The following GMCL1 variants were observed in gnomAD, a reference collection of about 807,000 sequenced individuals.
GMCL1 encodes germ cell-less 1, spermatogenesis associated.
In GMCL1, 54 loss-of-function variants were observed where a neutral mutation model predicts 75.5. That is an observed-to-expected ratio of 0.71 (90% CI 0.57 to 0.90). GMCL1 has a LOEUF of 0.90. GMCL1 is among the 40% of genes least tolerant of loss of function. GMCL1 has a pLI of 0.00. For synonymous variants in GMCL1, 210 were observed against 209.6 expected (o/e 1.00, Z -0.02); for missense variants, 537 against 622.7 (o/e 0.86, Z 1.47).
At chr2:69,835,542 A>G (rs1443401658) in intron 1 of GMCL1, among the ~76,000 whole-genome samples, 1 of 152,110 alleles carries the variant, frequency 6.6e-6, no homozygotes, top group African/African-American at 2.4e-5. Context: ...TTGAGGAAAT[A>G]GATCTATTTC....
intron 1 of GMCL1, among the ~76,000 whole-genome samples, chr2:69,830,675 G>T (rs1674646207): frequency 6.6e-6 from 1 of 151,930 alleles, no homozygotes; most frequent in Non-Finnish European, 1.5e-5. Context: ...ACTAGGAACA[G>T]AGTCTGTGCA....
chr2:69,840,353 T>C (rs996550137), intron 3 of GMCL1, among the ~76,000 whole-genome samples: 8 of 150,716 alleles, frequency 5.3e-5, no homozygotes, highest in Admixed American at 4.0e-4. Context: ...GAGCTTGCAG[T>C]GAGCCGAGAT....
At chr2:69,857,174 A>G (rs41448751) in intron 9 of GMCL1, among the ~76,000 whole-genome samples, 4,392 of 152,234 alleles carry the variant, frequency 0.029, 450 homozygotes, top group Admixed American at 0.2. Flanking sequence ...ATTTTCTGCC[A>G]GTCTTTCAAA....
rs147980504 is a variant in GMCL1 at position 69,879,209 on chromosome 2, C to A, written c.*205C>A. 2.7e-6 allele frequency: 1 copy of A among 373,642 alleles called. No homozygotes were observed. Among genetic ancestry groups the A allele is most frequent in the East Asian group, 4.4e-5 (1 of 22,660 alleles). 23.1% of individuals were successfully genotyped at this position (373,642 alleles called of 1,614,324 possible). A position where few individuals can be genotyped will look rare whatever the true frequency, so the allele number is the denominator to read the frequency against. ...TCCTCATTGCATTTCTATGCATATG[C>A]GTAAGAACATTTTAAAGCCAAGAAA... On this transcript the variant is annotated 3_prime_UTR_variant, in exon 14 of 14. Transcript: ENST00000282570.
At position 69,830,103 on chromosome 2, in the gene GMCL1, G is replaced by T; in HGVS notation, c.211G>T (p.Asp71Tyr). The T allele has an allele frequency of 3.2e-6, 5 of 1,579,136 alleles. No homozygotes were observed. The highest frequency in any genetic ancestry group is 4.3e-6 in the Non-Finnish European group (5 of 1,162,070). The stretch of plus-strand genomic sequence containing the variant: ...TCACCCTGACTCGGAGACGGACGAG[G>T]ATGAGGAGGAGGGGGACGAGCAGCA... Reference protein sequence around the residue: ...YCHPDSETDEDEEEGDEQQRL... With the variant: ...YCHPDSETDEYEEEGDEQQRL... Residue 71 changes from aspartate (D) to tyrosine (Y), a missense_variant, in exon 1 of 14, where the codon GAT becomes TAT. By Grantham distance (160) the Asp-to-Tyr change is radical. Around this residue, in one of 3 missense-constraint regions of GMCL1, gnomAD observed 144 missense variants for 127.2 expected, o/e 1.13. Transcript: ENST00000282570.
chr2:69,843,030 A>T (rs1573347191), intron 4 of GMCL1, 119 bp from the exon 5 acceptor site: 19 of 346,380 alleles, frequency 5.5e-5, no homozygotes, highest in South Asian at 1.3e-4. Flanking sequence ...GCACTTAATG[A>T]GTTTTCTTTC....
intron 9 of GMCL1, among the ~76,000 whole-genome samples, chr2:69,855,497 A>G (rs949558726): frequency 6.6e-6 from 1 of 152,212 alleles, no homozygotes; most frequent in East Asian, 1.9e-4. Flanking sequence ...CAAAATTGAA[A>G]ATAGAATTTC....
chr2:69,838,892 T>G (rs1440930696), intron 2 of GMCL1, among the ~76,000 whole-genome samples: 2 of 152,220 alleles, frequency 1.3e-5, no homozygotes, highest in East Asian at 3.8e-4. Context: ...TTCTACATAC[T>G]AAGTACTCAG....
At chr2:69,860,121 C>T (rs889345727) in intron 9 of GMCL1, among the ~76,000 whole-genome samples, 10 of 152,050 alleles carry the variant, frequency 6.6e-5, no homozygotes, top group Non-Finnish European at 1.3e-4. Flanking sequence ...TCTGCCTCAG[C>T]CTCCTGAGTA....
At chr2:69,842,855 G>C (rs1035491061) in intron 4 of GMCL1, 1 of 180,828 alleles carries the variant, frequency 5.5e-6, no homozygotes, top group Non-Finnish European at 1.1e-5. Context: ...GTCTCAGACA[G>C]GGGAAGAATA....
chr2:69,849,523 C>T, intron 7 of GMCL1, 129 bp from the exon 8 acceptor site: 1 of 569,172 alleles, frequency 1.8e-6, no homozygotes, highest in Non-Finnish European at 3.1e-6. Context: ...TTCTTTCTTG[C>T]AATTGCTGGT....
intron 9 of GMCL1, among the ~76,000 whole-genome samples, chr2:69,859,249 G>A (rs1675568829): frequency 6.6e-6 from 1 of 151,302 alleles, no homozygotes; most frequent in South Asian, 2.1e-4. Flanking sequence ...AATGAGTCAT[G>A]AAATGCCATA....
chr2:69,834,291 A>G (rs1674755941), intron 1 of GMCL1, among the ~76,000 whole-genome samples: 1 of 152,098 alleles, frequency 6.6e-6, no homozygotes, highest in East Asian at 1.9e-4. Context: ...CTCCTGTTCC[A>G]ATCTGGATTT....
chr2:69,873,157 G>A (rs1272263453), intron 13 of GMCL1, among the ~76,000 whole-genome samples: 4 of 152,104 alleles, frequency 2.6e-5, no homozygotes, highest in Non-Finnish European at 5.9e-5. Context: ...ATCCTCTCCT[G>A]GAAAAGTGTT....
chr2:69,867,357 C>T (rs1675850303), intron 11 of GMCL1, among the ~76,000 whole-genome samples: 1 of 152,128 alleles, frequency 6.6e-6, no homozygotes, highest in Admixed American at 6.5e-5. Context: ...CCTCAGGCAT[C>T]CATTCCTGTG....
At chr2:69,856,756 G>A (rs1191706586) in intron 9 of GMCL1, among the ~76,000 whole-genome samples, 1 of 143,186 alleles carries the variant, frequency 7.0e-6, no homozygotes, top group Non-Finnish European at 1.5e-5. Context: ...CACCGTCCTA[G>A]CCCCCTCAGT....
chr2:69,850,938 A>G (rs1252731880), intron 8 of GMCL1, among the ~76,000 whole-genome samples: 2 of 152,228 alleles, frequency 1.3e-5, no homozygotes, highest in Non-Finnish European at 2.9e-5. Flanking sequence ...TTATAACTAA[A>G]GAGATTGAAT....
intron 9 of GMCL1, among the ~76,000 whole-genome samples, chr2:69,855,469 G>A (rs1167349948): frequency 6.6e-6 from 1 of 151,698 alleles, no homozygotes; most frequent in Non-Finnish European, 1.5e-5. Flanking sequence ...ATTCTATTTA[G>A]TACTATATAT....
chr2:69,867,450 C>T (rs1675853104), intron 11 of GMCL1, among the ~76,000 whole-genome samples: 1 of 152,160 alleles, frequency 6.6e-6, no homozygotes, highest in Admixed American at 6.5e-5. Flanking sequence ...CAGACCCCAC[C>T]TCGTCTTTCT....
Sources: allele counts gnomAD v4.1 joint callset (sites outside exome capture counted in the v4.1 genomes callset), GRCh38; gene constraint gnomAD v4.1.1; regional missense constraint gnomAD v4.1.1; transcripts MANE v1.5; gene names NCBI Gene and HGNC (gene_info 2026-07-23, HGNC 2026-07-21).